The following ADRA1A variants were observed in gnomAD, a reference collection of about 807,000 sequenced individuals.
ADRA1A encodes the protein alpha-1A adrenergic receptor.
ADRA1A carries 31 observed loss-of-function variants against 29.6 expected under a neutral mutation model. The observed-to-expected ratio is 1.05, with a 90% CI of 0.79 to 1.41. The LOEUF (loss-of-function observed/expected upper bound fraction) is 1.41, where lower values mean the gene tolerates loss of function less well. Ranked by LOEUF, ADRA1A falls within the 40% of genes most tolerant of loss-of-function variation. ADRA1A has a pLI of 0.00. For missense variants in ADRA1A, 619 were observed against 601.1 expected (o/e 1.03, Z -0.31); for synonymous variants, 311 against 254.3 (o/e 1.22, Z -2.12).
At chr8:26,759,618 G>A (rs1042335697) in intron 2 of ADRA1A, among the ~76,000 whole-genome samples, 1 of 152,102 alleles carries the variant, frequency 6.6e-6, no homozygotes, top group Admixed American at 6.5e-5. Flanking sequence ...ACTGACTCGG[G>A]GAGGCACTGT....
intron 2 of ADRA1A, among the ~76,000 whole-genome samples, chr8:26,813,059 A>G (rs1809526115): frequency 6.6e-6 from 1 of 151,106 alleles, no homozygotes; most frequent in African/African-American, 2.5e-5. Context: ...GTCTAACTAC[A>G]ATTTTTCACT....
chr8:26,837,087 A>T (rs1171559332), intron 2 of ADRA1A, among the ~76,000 whole-genome samples: 1 of 152,126 alleles, frequency 6.6e-6, no homozygotes, highest in Non-Finnish European at 1.5e-5. Context: ...TACTAAACAA[A>T]GGTAGATATA....
intron 2 of ADRA1A, among the ~76,000 whole-genome samples, 176 bp downstream of exon 2, chr8:26,863,911 T>G (rs1813663123): frequency 6.6e-6 from 1 of 152,074 alleles, no homozygotes; most frequent in Admixed American, 6.6e-5. Flanking sequence ...GAGACTGGAG[T>G]AGAAAGAGAA....
Position 26,769,288 on chromosome 8 carries a change from G to T in ADRA1A, c.*861C>A. On this transcript the variant is annotated 3_prime_UTR_variant, in exon 3 of 3. Coordinates refer to ENST00000380573, the MANE Select transcript of ADRA1A (RefSeq NM_000680.4). Reference sequence around the variant, plus strand: ...CCTCTATCTTTGCAAGAAATTAACAGCCACACCAACCTCTTGCTCTTTAAA... The same window carrying T: ...CCTCTATCTTTGCAAGAAATTAACATCCACACCAACCTCTTGCTCTTTAAA... 1.0e-6 allele frequency: 1 copy of T among 985,370 alleles called. No individual in the cohort carries two copies. The highest frequency in any genetic ancestry group is 1.2e-6 in the Non-Finnish European group (1 of 829,868). 61.0% of individuals were successfully genotyped at this position (985,370 alleles called of 1,614,324 possible).
At chr8:26,817,480 A>T (rs1809849093) in intron 2 of ADRA1A, among the ~76,000 whole-genome samples, 1 of 152,258 alleles carries the variant, frequency 6.6e-6, no homozygotes, top group Admixed American at 6.5e-5. Flanking sequence ...GTGATTTCTT[A>T]TAAAGTTAAA....
chr8:26,854,134 G>C (rs973151035), intron 2 of ADRA1A: 1 of 152,218 alleles, frequency 6.6e-6, no homozygotes, highest in Non-Finnish European at 1.5e-5. Context: ...AGACTTCCCT[G>C]TCTTCCCTGA....
At chr8:26,758,101 C>T (rs1585627279) in intron 2 of ADRA1A, among the ~76,000 whole-genome samples, 1 of 152,116 alleles carries the variant, frequency 6.6e-6, no homozygotes, top group African/African-American at 2.4e-5. Flanking sequence ...GACAAATTTT[C>T]CAGGTGGGGA....
intron 2 of ADRA1A, among the ~76,000 whole-genome samples, chr8:26,758,060 T>C (rs970652231): frequency 6.6e-6 from 1 of 152,194 alleles, no homozygotes; most frequent in African/African-American, 2.4e-5. Context: ...ATCTTCAAAG[T>C]AGTGTAGTTT....
At chr8:26,755,499 C>T (rs1385412952), downstream of ADRA1A, among the ~76,000 whole-genome samples, 4 of 152,132 alleles carry the variant, frequency 2.6e-5, no homozygotes, top group African/African-American at 4.8e-5. Flanking sequence ...CCCTGTGCCC[C>T]GACATTTGGG....
downstream of ADRA1A, among the ~76,000 whole-genome samples, chr8:26,753,189 C>T (rs2130155398): frequency 6.6e-6 from 1 of 152,322 alleles, no homozygotes; most frequent in South Asian, 2.1e-4. Context: ...CATCAAAACA[C>T]AGCTGTGTTG....
intron 2 of ADRA1A, among the ~76,000 whole-genome samples, chr8:26,802,708 G>A (rs976843776): frequency 6.6e-6 from 1 of 152,180 alleles, no homozygotes; most frequent in East Asian, 1.9e-4. Flanking sequence ...ATGATCCAGC[G>A]ATCCTACTGC....
In ADRA1A at chr8:26,825,050, G is replaced by A. The variant is rs1563283219; in HGVS notation, c.883+39037C>T. Among the ~76,000 whole-genome samples the A allele has an allele frequency of 6.6e-6, 1 of 152,124 alleles. No individual in the cohort carries two copies. Among genetic ancestry groups the A allele is most frequent in the Non-Finnish European group, 1.5e-5 (1 of 68,034 alleles). Reference sequence around the variant, plus strand: ...AGTGTGGAATTGAGTTACCAGTGGAGCAACATGCCAGCTTCCTTCTGACAG... The same window carrying A: ...AGTGTGGAATTGAGTTACCAGTGGAACAACATGCCAGCTTCCTTCTGACAG... On this transcript the variant is annotated intron_variant, in intron 2 of 2. Transcript: ENST00000380573. This position sits in a 1 kb window ranked among gnomAD's most constrained non-coding sequence, Gnocchi z 5.7.
chr8:26,836,239 T>C, intron 2 of ADRA1A: 1 of 227,362 alleles, frequency 4.4e-6, no homozygotes, highest in Non-Finnish European at 9.6e-6. Flanking sequence ...GCCAAGGTGC[T>C]GACTTCTAAA....
In ADRA1A at chr8:26,865,744, T is replaced by C. The variant is rs373431480; in HGVS notation, c.-686-89A>G. 1.0e-5 allele frequency: 10 copies of C among 983,786 alleles called. No homozygotes were observed. The highest frequency in any genetic ancestry group is 1.1e-4 in the East Asian group (1 of 8,766). 60.9% of individuals were successfully genotyped at this position (983,786 alleles called of 1,614,324 possible). On this transcript the variant is annotated intron_variant, in intron 1 of 2. Transcript: ENST00000380573. The surrounding 1 kb of genome is among the most constrained non-coding windows in gnomAD (Gnocchi z 7.6). ...AGCTTGACGGGTTGGGGGACACCAG[T>C]TGGGAGCCGGGTTGGTTCTGCGGTC...
In ADRA1A at chr8:26,782,098, C is replaced by T. The variant is rs540249088; in HGVS notation, c.884-11432G>A. ...TCCAACAGCATCTTCTAGCTTTGTG[C>T]GAAGCAGGAATATGAATAAACCCTT... On this transcript the variant is annotated intron_variant, in intron 2 of 2. Coordinates refer to ENST00000380573, the MANE Select transcript of ADRA1A (RefSeq NM_000680.4). Among the ~76,000 whole-genome samples, 19 of 152,332 alleles carry T rather than the reference C, an allele frequency of 1.2e-4. No individual in the cohort carries two copies. The East Asian group carries it at 2.7e-3, about 22-fold the overall frequency.
intron 2 of ADRA1A, among the ~76,000 whole-genome samples, chr8:26,789,812 A>G (rs1349469024): frequency 6.6e-6 from 1 of 152,212 alleles, no homozygotes; most frequent in Non-Finnish European, 1.5e-5. Flanking sequence ...TAATCTGAAC[A>G]GATATTTCTC....
rs924190158 is a variant in ADRA1A at position 26,864,056 on chromosome 8, GA to G, written c.883+30del. On this transcript the variant is annotated intron_variant, in intron 2 of 2. Coordinates refer to ENST00000380573, the MANE Select transcript of ADRA1A (RefSeq NM_000680.4). The surrounding 1 kb of genome is among the most constrained non-coding windows in gnomAD (Gnocchi z 8.1). The stretch of plus-strand genomic sequence containing the variant: ...AAGCCGAGGAGGGTGAAGACCCCCA[GA>G]TGCTAAAGTGAGGGGTGTTCAAGAC... 6.3e-7 allele frequency: 1 copy of G among 1,583,838 alleles called. No individual in the cohort carries two copies. Among genetic ancestry groups the G allele is most frequent in the African/African-American group, 1.4e-5 (1 of 73,880 alleles).
intron 2 of ADRA1A, among the ~76,000 whole-genome samples, chr8:26,786,645 C>T (rs1807409681): frequency 6.6e-6 from 1 of 151,892 alleles, no homozygotes; most frequent in South Asian, 2.1e-4. Context: ...TCTGTCCCCT[C>T]CACTCACCAT....
At position 26,756,660 on chromosome 8, in the gene ADRA1A, G is replaced by C. The variant is rs879177553; in HGVS notation, c.*99C>G. ...GTCAGGCAAGGCTCCTGGGCTCCTG[G>C]GGTGGATTCCAAAGACAGTGGGTCG... On this transcript the variant is annotated 3_prime_UTR_variant, in exon 3 of 3. Transcript: ENST00000380582. The C allele has an allele frequency of 1.2e-5, 19 of 1,607,624 alleles. No individual in the cohort carries two copies. In the Admixed American group the frequency reaches 1.8e-4, roughly 16 times the overall value.
Sources: allele counts gnomAD v4.1 joint callset (sites outside exome capture counted in the v4.1 genomes callset), GRCh38; gene constraint gnomAD v4.1.1; non-coding constraint Gnocchi (gnomAD v3.1); transcripts MANE v1.5; gene names NCBI Gene and HGNC (gene_info 2026-07-23, HGNC 2026-07-21).